Variants in LMCD1 observed in about 807,000 individuals in gnomAD.
The protein encoded by LMCD1 is LIM and cysteine-rich domains protein 1.
A neutral mutation model predicts 42.7 loss-of-function variants in LMCD1; 32 were observed. The ratio of observed to expected loss-of-function variants is 0.75; its 90% CI spans 0.57 to 1.01. The LOEUF is 1.01. Ranked by LOEUF, LMCD1 falls within the 50% of genes least tolerant of loss-of-function variation. The probability of loss-of-function intolerance (pLI) is 0.00; values close to 1 mark genes in which losing one functional copy is unlikely to be tolerated. For synonymous variants in LMCD1, 178 were observed against 184.9 expected (o/e 0.96, Z 0.30); for missense variants, 458 against 483.1 (o/e 0.95, Z 0.49).
intron 3 of LMCD1, among the ~76,000 whole-genome samples, chr3:8,540,473 C>T (rs1043168229): frequency 2.6e-5 from 4 of 152,202 alleles, no homozygotes; most frequent in South Asian, 2.1e-4. Context: ...GATGATGCAA[C>T]GATGCAGCTA....
At chr3:8,559,919 G>C (rs546837689) in intron 4 of LMCD1, among the ~76,000 whole-genome samples, 1 of 152,348 alleles carries the variant, frequency 6.6e-6, no homozygotes, top group Non-Finnish European at 1.5e-5. Flanking sequence ...CAGTCCAAGA[G>C]CCAGGGATGC....
chr3:8,512,445 A>G (rs1046202318), intron 1 of LMCD1, among the ~76,000 whole-genome samples: 2 of 152,250 alleles, frequency 1.3e-5, no homozygotes, highest in Non-Finnish European at 2.9e-5. Flanking sequence ...TAAACAGAGA[A>G]AAATAAAATC....
In LMCD1 at chr3:8,574,105, C is replaced by T. The variant is rs1695262841; in HGVS notation, c.*6507C>T. The T allele has an allele frequency of 6.6e-6, 1 of 152,222 alleles. No individual in the cohort carries two copies. The highest frequency in any genetic ancestry group is 2.4e-5 in the African/African-American group (1 of 41,454). 9.4% of individuals were successfully genotyped at this position (152,222 alleles called of 1,614,324 possible). On this transcript the variant is annotated 3_prime_UTR_variant, in exon 6 of 6. Transcript: ENST00000157600. ...CTTACCCAGATAGTCATAAACACAG[C>T]CACCAGTGGCAGCTGGGCTCACTTT...
chr3:8,548,042 G>T (rs1694771385), intron 3 of LMCD1, among the ~76,000 whole-genome samples: 2 of 152,166 alleles, frequency 1.3e-5, no homozygotes, highest in South Asian at 4.1e-4. Flanking sequence ...TGGTCAGTCA[G>T]TATTTGTGTA....
chr3:8,549,180 G>A (rs1434090585), intron 4 of LMCD1, among the ~76,000 whole-genome samples: 4 of 152,092 alleles, frequency 2.6e-5, no homozygotes, highest in Admixed American at 6.5e-5. Flanking sequence ...TGGTGGTGAG[G>A]GTAAGCTTCA....
chr3:8,511,590 CA>C (rs1195612870), intron 1 of LMCD1, among the ~76,000 whole-genome samples: 4 of 152,174 alleles, frequency 2.6e-5, no homozygotes, highest in Non-Finnish European at 2.9e-5. Flanking sequence ...TGTTGAAAGA[CA>C]AGGATGAATG....
rs1291701896 is a variant in LMCD1 at position 8,572,405 on chromosome 3, T to G, written c.*4807T>G. The G allele has an allele frequency of 6.6e-6, 1 of 152,232 alleles. No individual in the cohort carries two copies. Among genetic ancestry groups the G allele is most frequent in the Non-Finnish European group, 1.5e-5 (1 of 68,032 alleles). 9.4% of individuals were successfully genotyped at this position (152,232 alleles called of 1,614,324 possible). A position where few individuals can be genotyped will look rare whatever the true frequency, so the allele number is the denominator to read the frequency against. On this transcript the variant is annotated 3_prime_UTR_variant, in exon 6 of 6. Transcript: ENST00000157600. ...TAAAGTCATTCCTTTGTCCTTTGTA[T>G]TTAATAAGTATGTTTAGGGACTTTG...
intron 1 of LMCD1, among the ~76,000 whole-genome samples, chr3:8,510,572 G>A (rs1220705633): frequency 2.0e-5 from 3 of 152,030 alleles, no homozygotes; most frequent in East Asian, 1.9e-4. Context: ...AAAGACAAAC[G>A]CCCTAGAAGT....
chr3:8,548,771 A>C lies in LMCD1; in HGVS notation c.591A>C (p.Gly197=). Residue 197 remains glycine, a synonymous_variant, in exon 4 of 6, where the codon GGA becomes GGC. Transcript: ENST00000157600. The part of the protein sequence containing the change: ...KQYKSEALGV[G]EVALPGQGGL... ...ATAAGAGCGAGGCCCTCGGCGTGGGAGAAGTGGCCCTCCCGGGGCAGGGTG... is the reference window on the plus strand; with the variant it reads ...ATAAGAGCGAGGCCCTCGGCGTGGGCGAAGTGGCCCTCCCGGGGCAGGGTG... 1 of 1,612,668 alleles carries C rather than the reference A, an allele frequency of 6.2e-7. No individual in the cohort carries two copies.
At chr3:8,562,458 G>A (rs758547722) in intron 4 of LMCD1, among the ~76,000 whole-genome samples, 5 of 152,172 alleles carry the variant, frequency 3.3e-5, no homozygotes, top group Non-Finnish European at 5.9e-5. Flanking sequence ...AGCCAAGGGC[G>A]GCAGTTTGAA....
rs774235968 is a variant in LMCD1, at chr3:8,567,537, C to T, written c.1037C>T (p.Ala346Val). ...TGTGAGCAGCTGCTGAGCGGCCGGG[C>T]GTACATCGTCACCAAGGGTCAGCTT... ...EGCEQLLSGR[A>V]YIVTKGQLLC... Residue 346 changes from alanine (A) to valine (V), a missense_variant, in exon 6 of 6, where the codon GCG (alanine) becomes GTG (valine). Ala to Val is a moderately conservative substitution (Grantham distance 64). Coordinates refer to ENST00000157600, the MANE Select transcript of LMCD1 (RefSeq NM_014583.4). 15 of 1,613,628 alleles carry T rather than the reference C, an allele frequency of 9.3e-6. No homozygotes were observed. Among genetic ancestry groups the T allele is most frequent in the Admixed American group, 6.7e-5 (4 of 59,960 alleles).
intron 1 of LMCD1, among the ~76,000 whole-genome samples, chr3:8,532,006 G>C (rs1694421797): frequency 6.6e-6 from 1 of 152,170 alleles, no homozygotes; most frequent in African/African-American, 2.4e-5. Flanking sequence ...TTTTGTTAAA[G>C]TACAGATTCT....
At chr3:8,511,934 G>T (rs186003529) in intron 1 of LMCD1, among the ~76,000 whole-genome samples, 2 of 152,238 alleles carry the variant, frequency 1.3e-5, no homozygotes, top group African/African-American at 4.8e-5. Context: ...TTGAATTTTT[G>T]CAGGAAGATA....
Position 8,565,493 on chromosome 3 carries a change from C to A in LMCD1, c.785C>A (p.Ala262Glu). 1.9e-6 allele frequency: 3 copies of A among 1,614,206 alleles called. No homozygotes were observed. Among genetic ancestry groups the A allele is most frequent in the African/African-American group, 1.3e-5 (1 of 75,050 alleles). Residue 262 changes from alanine (A) to glutamate (E), a missense_variant, in exon 5 of 6, where the codon GCA (alanine) becomes GAA (glutamate). Ala to Glu is a moderately radical substitution (Grantham distance 107). Coordinates refer to ENST00000157600, the MANE Select transcript of LMCD1 (RefSeq NM_014583.4). ...PDSPVVYSDR[A>E]GYNKQWHPTC... ...AGCCCCGTGGTCTACTCGGACAGGGCAGGCTACAACAAGCAGTGGCACCCC... is the reference window on the plus strand; with the variant it reads ...AGCCCCGTGGTCTACTCGGACAGGGAAGGCTACAACAAGCAGTGGCACCCC...
chr3:8,539,443 G>A (rs1694576233), intron 3 of LMCD1, among the ~76,000 whole-genome samples: 1 of 152,180 alleles, frequency 6.6e-6, no homozygotes, highest in Non-Finnish European at 1.5e-5. Flanking sequence ...CACAGAGTGT[G>A]GCCACAGAAC....
intron 1 of LMCD1, among the ~76,000 whole-genome samples, chr3:8,526,530 T>G (rs1041350584): frequency 7.9e-5 from 12 of 152,186 alleles, no homozygotes; most frequent in African/African-American, 2.4e-4. Flanking sequence ...ATATGCAACC[T>G]AGAGGCACTA....
chr3:8,502,916 G>A (rs1018043533), intron 1 of LMCD1, among the ~76,000 whole-genome samples: 11 of 152,152 alleles, frequency 7.2e-5, no homozygotes, highest in African/African-American at 2.4e-4. Flanking sequence ...GTCACAGAGA[G>A]TTGGTTCTAA....
At chr3:8,546,815 A>T (rs982905871) in intron 3 of LMCD1, among the ~76,000 whole-genome samples, 5 of 151,986 alleles carry the variant, frequency 3.3e-5, no homozygotes, top group African/African-American at 1.2e-4. Context: ...GTGAGAAGAG[A>T]GCGCCGAGTG....
intron 4 of LMCD1, chr3:8,550,869 A>T: frequency 4.1e-6 from 4 of 985,252 alleles, no homozygotes; most frequent in Non-Finnish European, 4.8e-6. Context: ...CCCAAGAGAC[A>T]TGTGGATCTG....
Sources: allele counts gnomAD v4.1 joint callset (sites outside exome capture counted in the v4.1 genomes callset), GRCh38; gene constraint gnomAD v4.1.1; transcripts MANE v1.5; gene names NCBI Gene and HGNC (gene_info 2026-07-23, HGNC 2026-07-21).